The following LIPI variants were observed in gnomAD, a reference collection of about 807,000 sequenced individuals.
LIPI encodes lipase member I.
Under a neutral mutation model 50.6 loss-of-function variants are expected in LIPI, and 59 were observed. That is an observed-to-expected ratio of 1.16 (90% CI 0.94 to 1.45). The LOEUF (loss-of-function observed/expected upper bound fraction) is 1.45. Ranked by LOEUF, LIPI falls within the 40% of genes most tolerant of loss-of-function variation. The pLI, the probability that LIPI is intolerant of heterozygous loss-of-function variation, is 0.00. For missense variants in LIPI, 586 were observed against 536.3 expected (o/e 1.09, Z -0.92); for synonymous variants, 203 against 178.2 (o/e 1.14, Z -1.11).
intron 9 of LIPI, among the ~76,000 whole-genome samples, chr21:14,114,605 A>T (rs544836089): frequency 6.6e-6 from 1 of 152,248 alleles, no homozygotes; most frequent in South Asian, 2.1e-4. Context: ...AAACTTCAAC[A>T]TGTAGGGAAG....
At chr21:14,209,124 T>A (rs2123365168) in intron 1 of LIPI, among the ~76,000 whole-genome samples, 1 of 152,290 alleles carries the variant, frequency 6.6e-6, no homozygotes, top group South Asian at 2.1e-4. Context: ...ATGGTTACAA[T>A]AAGTTGGTAA....
chr21:14,170,268 C>T (rs1232565034), intron 4 of LIPI, among the ~76,000 whole-genome samples: 3 of 152,108 alleles, frequency 2.0e-5, no homozygotes, highest in Non-Finnish European at 4.4e-5. Flanking sequence ...GATTCACAGC[C>T]GAATTCTACC....
intron 4 of LIPI, among the ~76,000 whole-genome samples, chr21:14,171,576 T>C (rs1216208300): frequency 6.6e-6 from 1 of 150,532 alleles, no homozygotes; most frequent in Non-Finnish European, 1.5e-5. Flanking sequence ...TCTACAACTA[T>C]CTGATCTTTG....
In LIPI at chr21:14,195,245, G is replaced by A. The variant is rs78503796; in HGVS notation, c.47-5826C>T. On this transcript the variant is annotated intron_variant, in intron 1 of 9. Transcript: ENST00000681601. ...GGTCTCTTATATCTGGATGTTGCTG[G>A]ATCCATATGTTGCTGGATATGATCC... Among the ~76,000 whole-genome samples, 401 of 152,214 alleles carry A rather than the reference G, an allele frequency of 2.6e-3. 12 individuals are homozygous for A. In the East Asian group the frequency reaches 0.054, roughly 21 times the overall value.
chr21:14,162,034 G>C (rs1341701858), intron 7 of LIPI, among the ~76,000 whole-genome samples: 1 of 147,206 alleles, frequency 6.8e-6, no homozygotes, highest in Non-Finnish European at 1.5e-5. Flanking sequence ...TTGCTGAGTA[G>C]TATCCCATAG....
At chr21:14,170,874 G>T (rs2018874036) in intron 4 of LIPI, among the ~76,000 whole-genome samples, 1 of 151,642 alleles carries the variant, frequency 6.6e-6, no homozygotes, top group African/African-American at 2.4e-5. Context: ...GGGCAATTAG[G>T]CAGGAGAAGG....
chr21:14,173,316 G>A (rs983577228), intron 4 of LIPI, among the ~76,000 whole-genome samples: 1 of 152,108 alleles, frequency 6.6e-6, no homozygotes, highest in Admixed American at 6.5e-5. Context: ...TTCACTAACT[G>A]GAAAAAAATC....
chr21:14,186,424 T>G (rs1243101667), intron 2 of LIPI, among the ~76,000 whole-genome samples: 1 of 152,206 alleles, frequency 6.6e-6, no homozygotes, highest in Non-Finnish European at 1.5e-5. Flanking sequence ...AAGTTCATAT[T>G]TAATACTTCC....
intron 7 of LIPI, among the ~76,000 whole-genome samples, chr21:14,159,158 C>T (rs898290078): frequency 4.0e-5 from 6 of 151,244 alleles, no homozygotes; most frequent in Admixed American, 2.0e-4. Flanking sequence ...TATAGTAGTA[C>T]GAATACGCTA....
chr21:14,204,909 A>G (rs1171050888), intron 1 of LIPI, among the ~76,000 whole-genome samples: 1 of 151,918 alleles, frequency 6.6e-6, no homozygotes, highest in Non-Finnish European at 1.5e-5. Flanking sequence ...TTCATAGCAC[A>G]TACATTTAAA....
Position 14,108,907 on chromosome 21 carries a change from A to G in LIPI, c.*86T>C. 1 of 1,510,818 alleles carries G rather than the reference A, an allele frequency of 6.6e-7. No individual in the cohort carries two copies. Among genetic ancestry groups the G allele is most frequent in the Non-Finnish European group, 9.1e-7 (1 of 1,097,024 alleles). 93.6% of individuals were successfully genotyped at this position (1,510,818 alleles called of 1,614,324 possible). A position where few individuals can be genotyped will look rare whatever the true frequency, so the allele number is the denominator to read the frequency against. On this transcript the variant is annotated 3_prime_UTR_variant, in exon 10 of 10. Coordinates refer to ENST00000681601, the MANE Select transcript of LIPI (RefSeq NM_001302998.2). ...TAGAAATACTTGAATCTCAAATTGA[A>G]CAGTGCATTATAAAAGACTGATTGC...
intron 8 of LIPI, among the ~76,000 whole-genome samples, chr21:14,147,438 A>G (rs982750332): frequency 3.9e-5 from 6 of 152,190 alleles, no homozygotes; most frequent in Non-Finnish European, 8.8e-5. Flanking sequence ...CAGTATCCCC[A>G]GCACTTAACA....
At chr21:14,192,941 G>A (rs2019725567) in intron 1 of LIPI, among the ~76,000 whole-genome samples, 1 of 152,128 alleles carries the variant, frequency 6.6e-6, no homozygotes, top group African/African-American at 2.4e-5. Flanking sequence ...AGTTTCTGTG[G>A]TAAAGACAAA....
At chr21:14,181,297 G>T (rs2123241136) in intron 4 of LIPI, among the ~76,000 whole-genome samples, 1 of 152,250 alleles carries the variant, frequency 6.6e-6, no homozygotes, top group South Asian at 2.1e-4. Context: ...AAAAACAATA[G>T]AAAGATTATT....
chr21:14,157,562 C>G (rs2018315804), intron 7 of LIPI, among the ~76,000 whole-genome samples: 1 of 151,696 alleles, frequency 6.6e-6, no homozygotes, highest in Non-Finnish European at 1.5e-5. Flanking sequence ...GGACTAAAAG[C>G]AACAGAGTAT....
chr21:14,201,972 G>A (rs1466651355), intron 1 of LIPI, among the ~76,000 whole-genome samples: 2 of 151,980 alleles, frequency 1.3e-5, no homozygotes, highest in Non-Finnish European at 2.9e-5. Context: ...TAAGCTGATA[G>A]GCAACTTCAG....
rs529658819 is a variant in LIPI at position 14,199,345 on chromosome 21, C to T, written c.47-9926G>A. Among the ~76,000 whole-genome samples, 4 of 151,776 alleles carry T rather than the reference C, an allele frequency of 2.6e-5. No individual in the cohort carries two copies. In the East Asian group the frequency reaches 5.8e-4, roughly 22 times the overall value. On this transcript the variant is annotated intron_variant, in intron 1 of 9. Transcript: ENST00000681601. ...AAAAAAAAATACAATAAATAGACTGCTAGCTAGACTAATAAAGAAGAAAAG... is the reference window on the plus strand; with the variant it reads ...AAAAAAAAATACAATAAATAGACTGTTAGCTAGACTAATAAAGAAGAAAAG...
intron 9 of LIPI, among the ~76,000 whole-genome samples, chr21:14,127,312 G>T (rs547883715): frequency 6.6e-6 from 1 of 152,128 alleles, no homozygotes; most frequent in Admixed American, 6.6e-5. Flanking sequence ...GCAAATAGAT[G>T]GTTTCAGCAA....
intron 9 of LIPI, among the ~76,000 whole-genome samples, chr21:14,128,620 T>C (rs977857975): frequency 6.6e-6 from 1 of 152,082 alleles, no homozygotes; most frequent in Non-Finnish European, 1.5e-5. Context: ...GGATATATCC[T>C]TAAAGATGCC....
Sources: allele counts gnomAD v4.1 joint callset (sites outside exome capture counted in the v4.1 genomes callset), GRCh38; gene constraint gnomAD v4.1.1; transcripts MANE v1.5; gene names NCBI Gene and HGNC (gene_info 2026-07-23, HGNC 2026-07-21).